Variants in TACR1 observed in about 807,000 individuals in gnomAD.
TACR1 encodes tachykinin receptor 1, also known as substance-P receptor.
TACR1 carries 25 observed loss-of-function variants against 35.8 expected under a neutral mutation model. That is an observed-to-expected ratio of 0.70 (90% CI 0.51 to 0.98). The LOEUF (loss-of-function observed/expected upper bound fraction) is 0.98. Ranked by LOEUF, TACR1 falls within the 50% of genes least tolerant of loss-of-function variation. TACR1 has a pLI of 0.00. For synonymous variants in TACR1, 195 were observed against 206.7 expected, an observed-to-expected ratio of 0.94 and a Z score of 0.48; for missense variants, 478 against 522.9, an observed-to-expected ratio of 0.91 and a Z score of 0.84.
At chr2:75,158,012 A>G (rs1674906071) in intron 1 of TACR1, among the ~76,000 whole-genome samples, 1 of 152,242 alleles carries the variant, frequency 6.6e-6, no homozygotes, top group African/African-American at 2.4e-5. Context: ...TTATTACCTC[A>G]TAGGTTAGGT....
intron 2 of TACR1, among the ~76,000 whole-genome samples, chr2:75,064,646 A>G (rs1672731571): frequency 6.6e-6 from 1 of 152,252 alleles, no homozygotes. Context: ...CCAGCAAGAC[A>G]TTTCCTGCAG....
chr2:75,192,533 G>A (rs1329658414), intron 1 of TACR1, among the ~76,000 whole-genome samples: 1 of 152,178 alleles, frequency 6.6e-6, no homozygotes, highest in Non-Finnish European at 1.5e-5. Flanking sequence ...TTTTATTTGG[G>A]TGGAAAATTG....
chr2:75,184,619 C>G (rs950806888), intron 1 of TACR1, among the ~76,000 whole-genome samples: 1 of 151,330 alleles, frequency 6.6e-6, no homozygotes, highest in African/African-American at 2.4e-5. Context: ...AAATAAATAG[C>G]CTTCTAGTAC....
At chr2:75,188,235 T>G (rs1675754185) in intron 1 of TACR1, 1 of 152,236 alleles carries the variant, frequency 6.6e-6, no homozygotes, top group African/African-American at 2.4e-5. Context: ...TTAAACATTT[T>G]CAGAGTCAGA....
At chr2:75,139,076 G>C (rs1393255387) in intron 1 of TACR1, among the ~76,000 whole-genome samples, 1 of 152,144 alleles carries the variant, frequency 6.6e-6, no homozygotes, top group Non-Finnish European at 1.5e-5. Context: ...ACTGACCTCT[G>C]TACTAAATAG....
At chr2:75,158,796 A>G (rs11675368) in intron 1 of TACR1, among the ~76,000 whole-genome samples, 84,752 of 151,942 alleles carry the variant, frequency 0.56, 23,731 homozygotes, top group African/African-American at 0.57. Context: ...GATGCTTGCA[A>G]TGTGGTGATT....
intron 2 of TACR1, among the ~76,000 whole-genome samples, chr2:75,063,440 T>C (rs544731188): frequency 1.3e-5 from 2 of 152,352 alleles, no homozygotes; most frequent in East Asian, 1.9e-4. Flanking sequence ...ATTTGCATTA[T>C]AACTATTCAG....
At chr2:75,154,391 A>G (rs1451007468) in intron 1 of TACR1, 1 of 126,078 alleles carries the variant, frequency 7.9e-6, no homozygotes, top group Non-Finnish European at 1.5e-5. Flanking sequence ...CAGGGAGATA[A>G]TCAGCCAAGA....
chr2:75,156,746 T>C (rs1174602944), intron 1 of TACR1, among the ~76,000 whole-genome samples: 2 of 152,230 alleles, frequency 1.3e-5, no homozygotes, highest in Non-Finnish European at 2.9e-5. Context: ...CAGTTTGTGG[T>C]AATTTGTTAT....
chr2:75,055,971 C>T (rs1418557553), intron 2 of TACR1, among the ~76,000 whole-genome samples: 1 of 152,214 alleles, frequency 6.6e-6, no homozygotes, highest in Non-Finnish European at 1.5e-5. Flanking sequence ...AAGAGAATCA[C>T]CAGGGAAACT....
Position 75,135,436 on chromosome 2 carries a change from T to C in TACR1, c.390-14668A>G, listed in dbSNP as rs578066823. On this transcript the variant is annotated intron_variant, in intron 1 of 4. Coordinates refer to ENST00000305249, the MANE Select transcript of TACR1 (RefSeq NM_001058.4). ...ACTTCCAGAGGCCATGTGGTCTCTT[T>C]CCAGAGATTCAGTGCCTAGCTGAAA... Among the ~76,000 whole-genome samples the C allele has an allele frequency of 2.0e-5, 3 of 152,288 alleles. No individual in the cohort carries two copies. The East Asian group carries it at 5.8e-4, about 29-fold the overall frequency.
intron 2 of TACR1, among the ~76,000 whole-genome samples, chr2:75,102,944 A>G (rs1673568188): frequency 6.6e-6 from 1 of 152,162 alleles, no homozygotes; most frequent in Admixed American, 6.5e-5. Flanking sequence ...TGTGGACCAT[A>G]ATTATGAAAT....
At chr2:75,126,698 T>C (rs1674078889) in intron 1 of TACR1, among the ~76,000 whole-genome samples, 1 of 152,092 alleles carries the variant, frequency 6.6e-6, no homozygotes, top group Non-Finnish European at 1.5e-5. Context: ...CAACAGAGCA[T>C]ACAGACAGCC....
intron 1 of TACR1, among the ~76,000 whole-genome samples, chr2:75,164,243 C>T (rs942301169): frequency 4.0e-5 from 6 of 151,332 alleles, no homozygotes; most frequent in South Asian, 2.1e-4. Flanking sequence ...AGGAGAATGG[C>T]GTGAACCCAG....
chr2:75,154,092 G>A (rs1180233548), intron 1 of TACR1, among the ~76,000 whole-genome samples: 1 of 152,076 alleles, frequency 6.6e-6, no homozygotes, highest in East Asian at 1.9e-4. Flanking sequence ...CACAACTAAA[G>A]TTCACTTGGA....
intron 2 of TACR1, among the ~76,000 whole-genome samples, chr2:75,086,356 A>G (rs1558548182): frequency 6.6e-6 from 1 of 152,258 alleles, no homozygotes; most frequent in Non-Finnish European, 1.5e-5. Flanking sequence ...GTCTTAAAAC[A>G]GAATTTTAAA....
chr2:75,156,192 T>A (rs1558573509), intron 1 of TACR1: 1 of 152,080 alleles, frequency 6.6e-6, no homozygotes, highest in Non-Finnish European at 1.5e-5. Context: ...CAAGTATTCT[T>A]GTAAGCGATA....
intron 4 of TACR1, chr2:75,051,039 A>G: frequency 1.6e-6 from 1 of 612,030 alleles, no homozygotes; most frequent in Non-Finnish European, 2.9e-6. Context: ...TTCCCTTTGG[A>G]AAAGAAAAAA....
chr2:75,097,802 A>G (rs189985009), intron 2 of TACR1, among the ~76,000 whole-genome samples: 5 of 152,372 alleles, frequency 3.3e-5, no homozygotes, highest in African/African-American at 1.2e-4. Flanking sequence ...CATTAAGGTA[A>G]GGACAAATGG....
Sources: allele counts gnomAD v4.1 joint callset (sites outside exome capture counted in the v4.1 genomes callset), GRCh38; gene constraint gnomAD v4.1.1; transcripts MANE v1.5; gene names NCBI Gene and HGNC (gene_info 2026-07-23, HGNC 2026-07-21).